TMED3: variants seen among roughly 807,000 people sequenced by gnomAD.
TMED3 encodes the protein transmembrane emp24 domain-containing protein 3.
In TMED3, 9 loss-of-function variants were observed where a neutral mutation model predicts 15.0. The ratio of observed to expected loss-of-function variants is 0.60; its 90% CI spans 0.36 to 1.04. The LOEUF is 1.04. Among genes scored for constraint, TMED3 ranks in the 50% least tolerant of loss-of-function variants. TMED3 has a pLI of 0.01. For missense variants in TMED3, 267 were observed against 278.9 expected (o/e 0.96, Z 0.30); for synonymous variants, 117 against 121.4 (o/e 0.96, Z 0.24).
chr15:79,328,962 C>G (rs1449346292), intron 2 of TMED3, among the ~76,000 whole-genome samples: 1 of 152,196 alleles, frequency 6.6e-6, no homozygotes, highest in Non-Finnish European at 1.5e-5. Flanking sequence ...GCTGTTGGCC[C>G]TATGGGACAA....
downstream of TMED3, among the ~76,000 whole-genome samples, chr15:79,326,281 A>C (rs779390843): frequency 2.0e-5 from 3 of 152,238 alleles, no homozygotes; most frequent in African/African-American, 4.8e-5. Flanking sequence ...AAAATAGCTC[A>C]AAGAGGAAAC....
At chr15:79,348,600 G>T (rs2058879806) in intron 2 of TMED3, among the ~76,000 whole-genome samples, 1 of 152,140 alleles carries the variant, frequency 6.6e-6, no homozygotes, top group African/African-American at 2.4e-5. Flanking sequence ...ACACTGTTAG[G>T]TGAAAAACAA....
intron 2 of TMED3, among the ~76,000 whole-genome samples, chr15:79,317,371 G>A (rs536765888): frequency 6.6e-6 from 1 of 152,244 alleles, no homozygotes; most frequent in African/African-American, 2.4e-5. Context: ...AGTGACTCTG[G>A]GTCCTGGGAG....
rs1289916624 is a variant in TMED3, at chr15:79,399,702, T to C, written c.418-11698T>C. On this transcript the variant is annotated intron_variant, in intron 2 of 2. Transcript: ENST00000424155. ...AGGTTTCTGACCTGCCTTCCCATAC[T>C]GGGCAGAACATTCCTCTGATTCATT... Among the ~76,000 whole-genome samples the C allele has an allele frequency of 4.6e-5, 7 of 152,236 alleles. No individual in the cohort carries two copies. The East Asian group carries it at 1.3e-3, about 29-fold the overall frequency.
downstream of TMED3, among the ~76,000 whole-genome samples, chr15:79,323,442 A>G (rs2058776504): frequency 6.6e-6 from 1 of 152,238 alleles, no homozygotes; most frequent in East Asian, 1.9e-4. Flanking sequence ...CTTATCTTTC[A>G]TATGTTTTTG....
intron 2 of TMED3, among the ~76,000 whole-genome samples, chr15:79,340,585 C>A (rs898974896): frequency 6.6e-6 from 1 of 152,294 alleles, no homozygotes; most frequent in Non-Finnish European, 1.5e-5. Context: ...ACTAATACAC[C>A]TGGCGTGTAG....
rs908536907 is a variant in TMED3 at position 79,346,326 on chromosome 15, C to T, written c.417+32321C>T. On this transcript the variant is annotated intron_variant, in intron 2 of 2. Coordinates refer to the TMED3 transcript ENST00000424155. The stretch of plus-strand genomic sequence containing the variant: ...AAATCTCATTTTAAATTGTAGATCC[C>T]ATAATTCCCATGTGTCGTGGGAGGG... 4.6e-5 allele frequency among the ~76,000 whole-genome samples: 7 copies of T among 152,256 alleles called. No individual in the cohort carries two copies. In the South Asian group the frequency reaches 1.5e-3, roughly 32 times the overall value.
At chr15:79,384,880 C>T (rs912474733) in intron 2 of TMED3, among the ~76,000 whole-genome samples, 5 of 151,900 alleles carry the variant, frequency 3.3e-5, no homozygotes, top group African/African-American at 9.7e-5. Flanking sequence ...AGCAGAGGGG[C>T]GAAGATGGCC....
intron 2 of TMED3, among the ~76,000 whole-genome samples, chr15:79,335,378 A>G (rs768600996): frequency 2.2e-4 from 33 of 152,226 alleles, no homozygotes; most frequent in Non-Finnish European, 4.6e-4. Flanking sequence ...GGGAGAAATC[A>G]TGTGACCCCA....
At chr15:79,382,707 T>C (rs1893557117) in intron 2 of TMED3, among the ~76,000 whole-genome samples, 1 of 152,170 alleles carries the variant, frequency 6.6e-6, no homozygotes, top group African/African-American at 2.4e-5. Flanking sequence ...TTTCTCTATG[T>C]CCTCCACTTC....
In TMED3 at chr15:79,311,240, C is replaced by A. The variant is rs1361925965; in HGVS notation, c.-10C>A. ...CGAGCCGCGGCCCTCGAGACGGGAC[C>A]GAGAGCATCATGGGCAGCACTGTCC... On this transcript the variant is annotated 5_prime_UTR_variant, in exon 1 of 3. Coordinates refer to ENST00000299705, the MANE Select transcript of TMED3 (RefSeq NM_007364.4). 6.3e-7 allele frequency: 1 copy of A among 1,594,028 alleles called. No homozygotes were observed. Among genetic ancestry groups the A allele is most frequent in the South Asian group, 1.1e-5 (1 of 89,244 alleles).
intron 2 of TMED3, among the ~76,000 whole-genome samples, chr15:79,335,477 T>C (rs992363670): frequency 1.2e-4 from 18 of 152,152 alleles, no homozygotes; most frequent in Non-Finnish European, 2.6e-4. Context: ...AGGGAAATGA[T>C]ACACTGCTAA....
Position 79,340,269 on chromosome 15 carries a change from A to C in TMED3, c.417+26264A>C, listed in dbSNP as rs544055137. ...TGGGCAGGCACAAGCCATGGTCTCCACTCAAGAAGCTGCTCCTCAGCAGGG... is the reference window on the plus strand; with the variant it reads ...TGGGCAGGCACAAGCCATGGTCTCCCCTCAAGAAGCTGCTCCTCAGCAGGG... On this transcript the variant is annotated intron_variant, in intron 2 of 2. Transcript: ENST00000424155. Among the ~76,000 whole-genome samples the C allele has an allele frequency of 4.7e-4, 72 of 152,310 alleles. 1 individual carries two copies. In the South Asian group the frequency reaches 7.0e-3, roughly 15 times the overall value.
chr15:79,405,272 C>T lies in TMED3; in HGVS notation c.418-6128C>T, dbSNP rs1893888247. Among the ~76,000 whole-genome samples the T allele has an allele frequency of 1.3e-5, 2 of 152,126 alleles. 1 individual carries two copies. Among genetic ancestry groups the T allele is most frequent in the South Asian group, 4.2e-4 (2 of 4,816 alleles). On this transcript the variant is annotated intron_variant, in intron 2 of 2. Coordinates refer to the TMED3 transcript ENST00000424155. ...CTCTGGGGGTCTGAGCTGAAACTCCCCTGTGGTGATTGCCAGAGAATCCAC... is the reference window on the plus strand; with the variant it reads ...CTCTGGGGGTCTGAGCTGAAACTCCTCTGTGGTGATTGCCAGAGAATCCAC...
At chr15:79,386,826 C>T (rs900627999) in intron 2 of TMED3, among the ~76,000 whole-genome samples, 46 of 151,528 alleles carry the variant, frequency 3.0e-4, no homozygotes, top group Admixed American at 2.7e-3. Context: ...GGATTACAGC[C>T]GTGAGCCACT....
chr15:79,374,850 T>C (rs556885513), intron 2 of TMED3, among the ~76,000 whole-genome samples: 1 of 152,306 alleles, frequency 6.6e-6, no homozygotes, highest in East Asian at 1.9e-4. Context: ...CCTTGGATTC[T>C]GGACCCCAAG....
At chr15:79,316,693 C>T (rs74333744) in intron 2 of TMED3, among the ~76,000 whole-genome samples, 2 of 152,152 alleles carry the variant, frequency 1.3e-5, no homozygotes, top group Non-Finnish European at 2.9e-5. Flanking sequence ...GACCGACAGT[C>T]ACCATGAAGT....
intron 2 of TMED3, among the ~76,000 whole-genome samples, chr15:79,402,268 C>T (rs1038926984): frequency 1.1e-4 from 16 of 152,168 alleles, no homozygotes; most frequent in African/African-American, 3.9e-4. Context: ...GGCTCCTGTG[C>T]CCCATGGGTC....
intron 2 of TMED3, among the ~76,000 whole-genome samples, chr15:79,359,040 C>T (rs1465688458): frequency 6.6e-6 from 1 of 152,146 alleles, no homozygotes; most frequent in African/African-American, 2.4e-5. Context: ...CCTCATCTAT[C>T]AGGAGTACAG....
Sources: allele counts gnomAD v4.1 joint callset (sites outside exome capture counted in the v4.1 genomes callset), GRCh38; gene constraint gnomAD v4.1.1; transcripts MANE v1.5; gene names NCBI Gene and HGNC (gene_info 2026-07-23, HGNC 2026-07-21).